The following HCN1 variants were observed in gnomAD, a reference collection of about 807,000 sequenced individuals.
HCN1 encodes potassium/sodium hyperpolarization-activated cyclic nucleotide-gated channel 1.
A neutral mutation model predicts 78.9 loss-of-function variants in HCN1; 13 were observed. The ratio of observed to expected loss-of-function variants is 0.16; its 90% CI spans 0.11 to 0.26. HCN1 has a LOEUF of 0.26. Among genes scored for constraint, HCN1 ranks in the 10% least tolerant of loss-of-function variants. The pLI is 1.00. For synonymous variants in HCN1, 552 were observed against 455.5 expected (o/e 1.21, Z -2.70); for missense variants, 810 against 1,154.3 (o/e 0.70, Z 4.32).
At chr5:45,323,225 G>A (rs906100850) in intron 5 of HCN1, among the ~76,000 whole-genome samples, 1 of 151,802 alleles carries the variant, frequency 6.6e-6, no homozygotes, top group African/African-American at 2.4e-5. Flanking sequence ...ACCAGATTGT[G>A]AAGACTTGAT....
chr5:45,349,865 A>C, intron 5 of HCN1, among the ~76,000 whole-genome samples: 1 of 152,196 alleles, frequency 6.6e-6, no homozygotes, highest in East Asian at 1.9e-4. Flanking sequence ...CAGGCTCTGA[A>C]ATTGTGGCAA....
chr5:45,344,383 C>G (rs1332619300), intron 5 of HCN1, among the ~76,000 whole-genome samples: 1 of 152,042 alleles, frequency 6.6e-6, no homozygotes, highest in Non-Finnish European at 1.5e-5. Context: ...CTCACATTTC[C>G]AAACCAATAA....
chr5:45,600,732 T>A (rs1023666676), intron 2 of HCN1, among the ~76,000 whole-genome samples: 7 of 152,140 alleles, frequency 4.6e-5, no homozygotes, highest in Non-Finnish European at 1.0e-4. Flanking sequence ...CTGTGACCAA[T>A]TTAAGAAAAA....
intron 1 of HCN1, among the ~76,000 whole-genome samples, chr5:45,680,025 T>C (rs1739674933): frequency 6.6e-6 from 1 of 152,142 alleles, no homozygotes; most frequent in Non-Finnish European, 1.5e-5. Flanking sequence ...ATGATAAAGT[T>C]AAAAATTGAA....
At chr5:45,278,096 C>G (rs967975214) in intron 6 of HCN1, among the ~76,000 whole-genome samples, 18 of 152,086 alleles carry the variant, frequency 1.2e-4, no homozygotes, top group African/African-American at 4.3e-4. Flanking sequence ...ATCAGTTAAT[C>G]TGATCTTTAC....
intron 2 of HCN1, among the ~76,000 whole-genome samples, chr5:45,539,022 G>A (rs905428989): frequency 1.1e-4 from 16 of 151,974 alleles, no homozygotes. Flanking sequence ...AACCAGATTT[G>A]GAAAGAAAAA....
chr5:45,602,518 T>A (rs1051617485), intron 2 of HCN1, among the ~76,000 whole-genome samples: 1 of 152,124 alleles, frequency 6.6e-6, no homozygotes, highest in Non-Finnish European at 1.5e-5. Context: ...TTCCTGTCGT[T>A]TAAGACACTC....
At chr5:45,297,837 C>T (rs1420125961) in intron 6 of HCN1, among the ~76,000 whole-genome samples, 1 of 151,982 alleles carries the variant, frequency 6.6e-6, no homozygotes, top group African/African-American at 2.4e-5. Flanking sequence ...ACCACATTGA[C>T]AGACTAGAGA....
intron 5 of HCN1, among the ~76,000 whole-genome samples, chr5:45,321,763 T>C (rs767580718): frequency 5.3e-5 from 8 of 151,886 alleles, no homozygotes; most frequent in African/African-American, 1.2e-4. Flanking sequence ...TATTTAAACA[T>C]ACATGGTTCT....
At chr5:45,694,947 C>A (rs1318712505) in intron 1 of HCN1, 1 of 152,176 alleles carries the variant, frequency 6.6e-6, no homozygotes. Flanking sequence ...GGGTGCCGCT[C>A]TATTTCAGAA....
intron 2 of HCN1, among the ~76,000 whole-genome samples, chr5:45,467,751 T>C (rs570037987): frequency 1.3e-5 from 2 of 152,244 alleles, no homozygotes; most frequent in Non-Finnish European, 2.9e-5. Context: ...TCAAAAGGAA[T>C]ACTCTTATAG....
At chr5:45,390,316 T>G (rs751710704) in intron 4 of HCN1, among the ~76,000 whole-genome samples, 1 of 152,150 alleles carries the variant, frequency 6.6e-6, no homozygotes, top group African/African-American at 2.4e-5. Flanking sequence ...TGCTTCACAG[T>G]TTGTTTCTAT....
chr5:45,277,745 A>G (rs1056308557), intron 6 of HCN1, among the ~76,000 whole-genome samples: 1 of 152,192 alleles, frequency 6.6e-6, no homozygotes, highest in African/African-American at 2.4e-5. Flanking sequence ...ATGGTCATCT[A>G]TAACTCAGGT....
chr5:45,373,109 T>C (rs963145532), intron 4 of HCN1, among the ~76,000 whole-genome samples: 1 of 131,596 alleles, frequency 7.6e-6, no homozygotes, highest in African/African-American at 2.8e-5. Flanking sequence ...ATAAAATACA[T>C]ATAGTATATC....
At chr5:45,646,367 CTTTTT>C (rs201964510) in intron 1 of HCN1, among the ~76,000 whole-genome samples, 31,039 of 123,024 alleles carry the variant, frequency 0.25, 2,496 homozygotes, top group East Asian at 0.3. Flanking sequence ...TTCTTTCTTT[CTTTTT>C]TTTTTTTTTT....
chr5:45,444,036 T>G (rs1579898461), intron 3 of HCN1, among the ~76,000 whole-genome samples: 1 of 152,148 alleles, frequency 6.6e-6, no homozygotes, highest in Non-Finnish European at 1.5e-5. Flanking sequence ...GCAAGGAGCT[T>G]TTGTTTTCTA....
At chr5:45,514,940 C>G (rs565710901) in intron 2 of HCN1, among the ~76,000 whole-genome samples, 1 of 151,834 alleles carries the variant, frequency 6.6e-6, no homozygotes, top group Non-Finnish European at 1.5e-5. Flanking sequence ...TCCTTCTATC[C>G]TAAAAATCCT....
At chr5:45,627,922 C>T (rs1286775500) in intron 2 of HCN1, among the ~76,000 whole-genome samples, 3 of 152,110 alleles carry the variant, frequency 2.0e-5, no homozygotes, top group Non-Finnish European at 2.9e-5. Flanking sequence ...CATTTACAAC[C>T]AAAGTGTCAA....
At chr5:45,462,790 T>C (rs914363708) in intron 2 of HCN1, among the ~76,000 whole-genome samples, 2 of 152,008 alleles carry the variant, frequency 1.3e-5, no homozygotes, top group African/African-American at 4.8e-5. Flanking sequence ...TGGAAACAAA[T>C]ACCCATCTTT....
Sources: gnomAD v4.1 joint callset for allele counts (sites outside exome capture counted in the v4.1 genomes callset) on GRCh38, gnomAD v4.1.1 for gene constraint, MANE v1.5 for transcripts, NCBI Gene and HGNC (gene_info 2026-07-23, HGNC 2026-07-21) for gene names.